GALNT14: variants seen among roughly 807,000 people sequenced by gnomAD.
GALNT14 encodes polypeptide N-acetylgalactosaminyltransferase 14.
In GALNT14, 60 loss-of-function variants were observed where a neutral mutation model predicts 77.5. That is an observed-to-expected ratio of 0.77 (90% confidence interval 0.63 to 0.96). GALNT14 has a LOEUF of 0.96. Ranked by LOEUF, GALNT14 falls within the 40% of genes least tolerant of loss-of-function variation. The pLI is 0.00. For missense variants in GALNT14, 710 were observed against 731.0 expected (o/e 0.97, Z 0.33); for synonymous variants, 280 against 281.7 (o/e 0.99, Z 0.06).
chr2:31,038,243 T>C (rs1242823423), intron 1 of GALNT14, among the ~76,000 whole-genome samples: 1 of 151,022 alleles, frequency 6.6e-6, no homozygotes, highest in Non-Finnish European at 1.5e-5. Flanking sequence ...TACAGGCACA[T>C]GCACCACGCC....
At chr2:30,933,357 G>A (rs1447079842) in intron 9 of GALNT14, among the ~76,000 whole-genome samples, 2 of 152,174 alleles carry the variant, frequency 1.3e-5, no homozygotes, top group African/African-American at 2.4e-5. Flanking sequence ...CTGCCCATGT[G>A]AGGAGCCATG....
At chr2:31,036,007 A>G (rs1672717572) in intron 1 of GALNT14, among the ~76,000 whole-genome samples, 5 of 152,204 alleles carry the variant, frequency 3.3e-5, no homozygotes, top group Admixed American at 2.0e-4. Flanking sequence ...CCCTGAACTT[A>G]GAAGTTAAAT....
At chr2:30,890,200 G>T in the GALNT14 span, among the ~76,000 whole-genome samples, 1 of 152,288 alleles carries the variant, frequency 6.6e-6, no homozygotes, top group East Asian at 1.9e-4. Context: ...AGGATGATTT[G>T]ATTTGAGTTT....
chr2:30,905,422 C>T, the GALNT14 span, among the ~76,000 whole-genome samples: 1 of 151,910 alleles, frequency 6.6e-6, no homozygotes, highest in East Asian at 1.9e-4. Flanking sequence ...ATGCAGAAGC[C>T]TCAGGAGCCG....
intron 1 of GALNT14, among the ~76,000 whole-genome samples, chr2:31,084,065 G>C (rs1404467791): frequency 1.3e-5 from 2 of 152,156 alleles, no homozygotes; most frequent in Non-Finnish European, 2.9e-5. Context: ...GTCAGAACCT[G>C]GATGTTTATC....
intron 2 of GALNT14, among the ~76,000 whole-genome samples, chr2:30,971,211 TCAAA>T (rs1307990042): frequency 6.6e-6 from 1 of 152,102 alleles, no homozygotes; most frequent in Non-Finnish European, 1.5e-5. Context: ...AAAAGATCAA[TCAAA>T]CAGTGAGATC....
At chr2:30,973,726 G>A (rs569155503) in intron 2 of GALNT14, among the ~76,000 whole-genome samples, 239 of 152,312 alleles carry the variant, frequency 1.6e-3, no homozygotes, top group African/African-American at 5.4e-3. Context: ...TTTGCTTCAT[G>A]TCAATTTTGC....
intron 11 of GALNT14, among the ~76,000 whole-genome samples, chr2:30,925,618 G>A (rs760379847): frequency 4.6e-5 from 7 of 152,220 alleles, no homozygotes; most frequent in Non-Finnish European, 1.0e-4. Flanking sequence ...GGCAGGAAGA[G>A]TGCTGCAGGA....
At chr2:30,919,941 C>T (rs751750990) in intron 13 of GALNT14, among the ~76,000 whole-genome samples, 1 of 152,192 alleles carries the variant, frequency 6.6e-6, no homozygotes, top group Non-Finnish European at 1.5e-5. Context: ...GAGACCTTGA[C>T]ATGGGGGTAC....
the GALNT14 span, among the ~76,000 whole-genome samples, chr2:30,893,363 T>C: frequency 1.3e-3 from 192 of 152,202 alleles, 2 homozygotes; most frequent in East Asian, 0.032. Context: ...GCATGAAAGA[T>C]AGAAAACTAG....
intron 1 of GALNT14, among the ~76,000 whole-genome samples, chr2:31,046,902 G>C (rs185143465): frequency 1.1e-4 from 16 of 152,260 alleles, no homozygotes; most frequent in South Asian, 4.1e-4. Context: ...AGCTCATTCA[G>C]TCTTTGAAAT....
Position 30,939,789 on chromosome 2 carries a change from C to T in GALNT14, c.931+2412G>A, listed in dbSNP as rs13389368. On this transcript the variant is annotated intron_variant, in intron 9 of 14. Coordinates refer to ENST00000349752, the MANE Select transcript of GALNT14 (RefSeq NM_024572.4). Reference sequence around the variant, plus strand: ...TTCCTGCCACACTCTGGAGCCAGGACTCCTTTCTTCACCCCTTAGTGCCAT... The same window carrying T: ...TTCCTGCCACACTCTGGAGCCAGGATTCCTTTCTTCACCCCTTAGTGCCAT... Among the ~76,000 whole-genome samples, 420 of 152,152 alleles carry T rather than the reference C, an allele frequency of 2.8e-3. 1 individual carries two copies. Among genetic ancestry groups the T allele is most frequent in the African/African-American group, 9.6e-3 (400 of 41,496 alleles).
At chr2:31,079,340 T>TGTTTG (rs1291635948) in intron 1 of GALNT14, among the ~76,000 whole-genome samples, 2 of 152,278 alleles carry the variant, frequency 1.3e-5, no homozygotes, top group Admixed American at 1.3e-4. Context: ...AAGATGCACC[T>TGTTTG]GAATGTGTGT....
At position 31,113,800 on chromosome 2, in the gene GALNT14, C is replaced by T. The variant is rs7564144; in HGVS notation, c.129+24158G>A. Among the ~76,000 whole-genome samples, 616 of 152,284 alleles carry T rather than the reference C, an allele frequency of 4.0e-3. 4 individuals are homozygous for T. The highest frequency in any genetic ancestry group is 0.014 in the African/African-American group (578 of 41,556). On this transcript the variant is annotated intron_variant, in intron 1 of 14. Transcript: ENST00000349752. ...AGACAGTAAAACACAAGTAAGACAA[C>T]TCAGGCACAGAGGGAGGTGGGGGGA...
At chr2:30,929,533 G>T in intron 10 of GALNT14, 46 bp from the exon 11 acceptor site, 1 of 1,441,508 alleles carries the variant, frequency 6.9e-7, no homozygotes, top group Non-Finnish European at 9.7e-7. Context: ...GGGGCTGTCT[G>T]AGAGGCCCTG....
chr2:31,035,500 A>T (rs1672659218), intron 1 of GALNT14, among the ~76,000 whole-genome samples: 1 of 151,120 alleles, frequency 6.6e-6, no homozygotes, highest in African/African-American at 2.4e-5. Context: ...GTCTCCCAAT[A>T]GCAAAGACAT....
chr2:30,969,838 C>T (rs754290074), intron 2 of GALNT14, among the ~76,000 whole-genome samples: 1 of 152,186 alleles, frequency 6.6e-6, no homozygotes, highest in Non-Finnish European at 1.5e-5. Flanking sequence ...GGCTCTCCTG[C>T]TAAATGCTCT....
intron 1 of GALNT14, among the ~76,000 whole-genome samples, chr2:31,076,648 G>A (rs1235671066): frequency 7.0e-6 from 1 of 142,800 alleles, no homozygotes; most frequent in African/African-American, 2.6e-5. Flanking sequence ...TTTTTTACAT[G>A]TACATATACA....
In GALNT14 at chr2:30,910,820, G is replaced by T; in HGVS notation, c.*81C>A. The T allele has an allele frequency of 1.3e-6, 2 of 1,491,620 alleles. No individual in the cohort carries two copies. Among genetic ancestry groups the T allele is most frequent in the Non-Finnish European group, 1.8e-6 (2 of 1,100,188 alleles). The allele number at this position is 1,491,620 out of a possible 1,614,324, so 92.4% of individuals were successfully genotyped here. A position where few individuals can be genotyped will look rare whatever the true frequency, so the allele number is the denominator to read the frequency against. ...TCCAGGATGTCTGAGGTGGTTGCAGGCTGCTTGCTGCCCAGTTTCCAGTCT... is the reference window on the plus strand; with the variant it reads ...TCCAGGATGTCTGAGGTGGTTGCAGTCTGCTTGCTGCCCAGTTTCCAGTCT... On this transcript the variant is annotated 3_prime_UTR_variant, in exon 15 of 15. Coordinates refer to ENST00000349752, the MANE Select transcript of GALNT14 (RefSeq NM_024572.4).
Sources: allele counts gnomAD v4.1 joint callset (sites outside exome capture counted in the v4.1 genomes callset), GRCh38; gene constraint gnomAD v4.1.1; transcripts MANE v1.5; gene names NCBI Gene and HGNC (gene_info 2026-07-23, HGNC 2026-07-21).